The following SMCR8 variants were observed in gnomAD, a reference collection of about 807,000 sequenced individuals.
SMCR8 encodes the protein SMCR8-C9orf72 complex subunit.
A neutral mutation model predicts 56.6 loss-of-function variants in SMCR8; 30 were observed. The ratio of observed to expected loss-of-function variants is 0.53; its 90% CI spans 0.40 to 0.72. SMCR8 has a LOEUF of 0.72. Among genes scored for constraint, SMCR8 ranks in the 30% least tolerant of loss-of-function variants. The pLI is 0.00. For missense variants in SMCR8, 1,198 were observed against 1,157.0 expected (o/e 1.04, Z -0.51); for synonymous variants, 538 against 456.0 (o/e 1.18, Z -2.29).
intron 1 of SMCR8, 69 bp downstream of exon 1, chr17:18,318,218 C>G (rs371794368): frequency 2.7e-6 from 4 of 1,459,140 alleles, no homozygotes; most frequent in South Asian, 1.3e-5. Context: ...TGTGGTGGAG[C>G]CAGAATCAGG....
In SMCR8 at chr17:18,327,242, G is replaced by A. The variant is rs1982688544; in HGVS notation, c.*4172G>A. ...GGTTTGGTTAAAGCAGTGGAAAGGAGGAGGAGGCAGGGGTGGATGGGGGTG... is the reference window on the plus strand; with the variant it reads ...GGTTTGGTTAAAGCAGTGGAAAGGAAGAGGAGGCAGGGGTGGATGGGGGTG... On this transcript the variant is annotated 3_prime_UTR_variant, in exon 2 of 2. Coordinates refer to ENST00000406438, the MANE Select transcript of SMCR8 (RefSeq NM_144775.3). 1 of 152,230 alleles carries A rather than the reference G, an allele frequency of 6.6e-6. No individual in the cohort carries two copies. Among genetic ancestry groups the A allele is most frequent in the African/African-American group, 2.4e-5 (1 of 41,424 alleles). 9.4% of individuals were successfully genotyped at this position (152,230 alleles called of 1,614,324 possible).
chr17:18,323,386 G>T lies in SMCR8; in HGVS notation c.*316G>T. 1 of 350,154 alleles carries T rather than the reference G, an allele frequency of 2.9e-6. No individual in the cohort carries two copies. Among genetic ancestry groups the T allele is most frequent in the East Asian group, 5.2e-5 (1 of 19,096 alleles). The allele number at this position is 350,154 out of a possible 1,614,324, so 21.7% of individuals were successfully genotyped here. ...AAGGGAAGCCACCAGTCCCTTGGTG[G>T]GGCAGGGTGAGGGCAGGAAGGCCAA... On this transcript the variant is annotated 3_prime_UTR_variant, in exon 2 of 2. Transcript: ENST00000406438.
In SMCR8 at chr17:18,315,564, C is replaced by T. The variant is rs1982227554; in HGVS notation, c.-226C>T. 8.1e-6 allele frequency: 4 copies of T among 496,068 alleles called. No homozygotes were observed. In the South Asian group the frequency reaches 1.0e-4, roughly 13 times the overall value. 30.7% of individuals were successfully genotyped at this position (496,068 alleles called of 1,614,324 possible). ...AGGGCAGTTGGGCCTGCGGCCTTGGCGTTCATGAGGCCTCAGAGAGCTCCG... is the reference window on the plus strand; with the variant it reads ...AGGGCAGTTGGGCCTGCGGCCTTGGTGTTCATGAGGCCTCAGAGAGCTCCG... On this transcript the variant is annotated 5_prime_UTR_variant, in exon 1 of 2. Coordinates refer to ENST00000406438, the MANE Select transcript of SMCR8 (RefSeq NM_144775.3).
rs1373820405 is a variant in SMCR8 at position 18,324,626 on chromosome 17, A to AGGAGGC, written c.*1557_*1562dup. 1 of 152,268 alleles carries AGGAGGC rather than the reference A, an allele frequency of 6.6e-6. No individual in the cohort carries two copies. The highest frequency in any genetic ancestry group is 2.4e-5 in the African/African-American group (1 of 41,454). The allele number at this position is 152,268 out of a possible 1,614,324, so 9.4% of individuals were successfully genotyped here. A position where few individuals can be genotyped will look rare whatever the true frequency, so the allele number is the denominator to read the frequency against. Reference sequence around the variant, plus strand: ...AGCCAGCCAGCTTCTCTTCTCATCAAGGAGGCAGAGACCCCTGGTGGAAGC... The same window carrying AGGAGGC: ...AGCCAGCCAGCTTCTCTTCTCATCAAGGAGGCGGAGGCAGAGACCCCTGGTGGAAGC... On this transcript the variant is annotated 3_prime_UTR_variant, in exon 2 of 2. Coordinates refer to ENST00000406438, the MANE Select transcript of SMCR8 (RefSeq NM_144775.3).
At position 18,323,114 on chromosome 17, in the gene SMCR8, T is replaced by C. The variant is rs1331583877; in HGVS notation, c.*44T>C. The C allele has an allele frequency of 3.2e-6, 5 of 1,552,048 alleles. No individual in the cohort carries two copies. The Admixed American group carries it at 8.8e-5, about 27-fold the overall frequency. On this transcript the variant is annotated 3_prime_UTR_variant, in exon 2 of 2. Coordinates refer to ENST00000406438, the MANE Select transcript of SMCR8 (RefSeq NM_144775.3). ...TGACCAAGACCTGTGACTCAGGGTA[T>C]GGGGAGGGGAGGGGTTGGCATGACC...
In SMCR8 at chr17:18,315,579, A is replaced by AT. The variant is rs1291983425; in HGVS notation, c.-211_-210insT. On this transcript the variant is annotated 5_prime_UTR_variant, in exon 1 of 2. In the 5' UTR this introduces an upstream ATG that the reference lacks. Coordinates refer to ENST00000406438, the MANE Select transcript of SMCR8 (RefSeq NM_144775.3). ...GCGGCCTTGGCGTTCATGAGGCCTC[A>AT]GAGAGCTCCGGAGGAGCTACAACTG... The AT allele has an allele frequency of 7.5e-6, 4 of 534,268 alleles. No homozygotes were observed. In the African/African-American group the frequency reaches 7.6e-5, roughly 10 times the overall value. 33.1% of individuals were successfully genotyped at this position (534,268 alleles called of 1,614,324 possible).
In SMCR8 at chr17:18,322,673, A is replaced by G; in HGVS notation, c.2417A>G (p.Tyr806Cys). ...TLHALSRYSR[Y>C]TSILDLDNKT... is the part of the protein sequence containing the mutation. The stretch of plus-strand genomic sequence containing the variant: ...CATGCCCTGAGCCGCTACAGCCGCT[A>G]CACGAGCATCCTGGACCTTGACAAC... Residue 806 changes from tyrosine (Y) to cysteine (C), a missense_variant, in exon 2 of 2, where the codon TAC (tyrosine) becomes TGC (cysteine). Physicochemically the swap from Tyr to Cys is radical, Grantham distance 194. Coordinates refer to ENST00000406438, the MANE Select transcript of SMCR8 (RefSeq NM_144775.3). The G allele has an allele frequency of 1.2e-6, 2 of 1,614,212 alleles. No homozygotes were observed. The highest frequency in any genetic ancestry group is 1.7e-6 in the Non-Finnish European group (2 of 1,180,038).
At chr17:18,318,971 G>C (rs1982417970) in intron 1 of SMCR8, among the ~76,000 whole-genome samples, 1 of 152,216 alleles carries the variant, frequency 6.6e-6, no homozygotes, top group South Asian at 2.1e-4. Flanking sequence ...TCCTACACAG[G>C]CATGAGGTGC....
chr17:18,318,246 AG>A, intron 1 of SMCR8, 97 bp downstream of exon 1: 1 of 1,191,690 alleles, frequency 8.4e-7, no homozygotes, highest in South Asian at 1.4e-5. Context: ...GCTTCTAGAC[AG>A]GGCCCAGTTC....
chr17:18,317,407 G>A lies in SMCR8; in HGVS notation c.1618G>A (p.Ala540Thr). Residue 540 changes from alanine (A) to threonine (T), a missense_variant, in exon 1 of 2, where the codon GCC becomes ACC. Coordinates refer to ENST00000406438, the MANE Select transcript of SMCR8 (RefSeq NM_144775.3). ...PDDFKASYPSAINEEESYPDG... is the reference protein window; with the variant it reads ...PDDFKASYPSTINEEESYPDG... ...TGACTTTAAGGCCAGCTACCCAAGT[G>A]CCATTAATGAAGAAGAATCATATCC... The A allele has an allele frequency of 6.2e-7, 1 of 1,614,096 alleles. No individual in the cohort carries two copies. The highest frequency in any genetic ancestry group is 8.5e-7 in the Non-Finnish European group (1 of 1,180,036).
Position 18,315,759 on chromosome 17 carries a change from C to T in SMCR8, c.-31C>T, listed in dbSNP as rs549336705. ...TTAACACCGCATTCTTTCCCACTTC[C>T]TCTCAATGTTTTCTTCATATATCTG... On this transcript the variant is annotated 5_prime_UTR_variant, in exon 1 of 2. Coordinates refer to ENST00000406438, the MANE Select transcript of SMCR8 (RefSeq NM_144775.3). 1.2e-4 allele frequency: 187 copies of T among 1,544,276 alleles called. 1 individual carries two copies. The South Asian group carries it at 2.2e-3, about 18-fold the overall frequency.
intron 1 of SMCR8, among the ~76,000 whole-genome samples, chr17:18,319,348 C>T (rs769684279): frequency 6.6e-6 from 1 of 152,142 alleles, no homozygotes; most frequent in Admixed American, 6.5e-5. Context: ...CTGAGAAGCA[C>T]TCAGAGGGTG....
intron 1 of SMCR8, among the ~76,000 whole-genome samples, chr17:18,319,059 A>G (rs1399463786): frequency 6.6e-6 from 1 of 152,166 alleles, no homozygotes; most frequent in East Asian, 1.9e-4. Context: ...GCTACAGCTC[A>G]CCCAAAGAAT....
chr17:18,318,413 A>G (rs527803509), intron 1 of SMCR8, among the ~76,000 whole-genome samples: 2 of 151,904 alleles, frequency 1.3e-5, no homozygotes, highest in African/African-American at 4.8e-5. Flanking sequence ...TTTTATTTTT[A>G]TTTTTTTGCA....
rs1982744659 is a variant in SMCR8 at position 18,327,961 on chromosome 17, C to A, written c.*4891C>A. 1 of 152,530 alleles carries A rather than the reference C, an allele frequency of 6.6e-6. No individual in the cohort carries two copies. 9.4% of individuals were successfully genotyped at this position (152,530 alleles called of 1,614,324 possible). ...TTTTTAAAGCTATAATTCTTGTAGA[C>A]ATTCTGTGGTTAAAAATTTGATTGT... is the stretch of plus-strand genomic sequence containing the variant. On this transcript the variant is annotated 3_prime_UTR_variant, in exon 2 of 2. Coordinates refer to ENST00000406438, the MANE Select transcript of SMCR8 (RefSeq NM_144775.3).
In SMCR8 at chr17:18,316,534, C is replaced by G; in HGVS notation, c.745C>G (p.Leu249Val). 5.0e-6 allele frequency: 8 copies of G among 1,614,144 alleles called. No homozygotes were observed. Among genetic ancestry groups the G allele is most frequent in the Non-Finnish European group, 6.8e-6 (8 of 1,180,030 alleles). The stretch of plus-strand genomic sequence containing the variant: ...GAAGTCCATCATTGAACATCAAGAC[C>G]TGCTGAAGCAGATCCGCTCATACCC... Reference protein sequence around the residue: ...VEKSIIEHQDLLKQIRSYPHR... With the variant: ...VEKSIIEHQDVLKQIRSYPHR... Residue 249 changes from leucine to valine, a missense_variant, in exon 1 of 2, where the codon CTG becomes GTG. Transcript: ENST00000406438.
rs772686805 is a variant in SMCR8, at chr17:18,317,152, T to C, written c.1363T>C (p.Leu455=). Residue 455 remains leucine (L), a synonymous_variant, in exon 1 of 2, where the codon TTG becomes CTG. Coordinates refer to ENST00000406438, the MANE Select transcript of SMCR8 (RefSeq NM_144775.3). ...ELSSFDPQEN[L]DYLDMDMKGS... ...GAGCAGTTTCGACCCCCAGGAAAAC[T>C]TGGACTACCTGGATATGGATATGAA... 1.9e-6 allele frequency: 3 copies of C among 1,614,168 alleles called. No homozygotes were observed. The highest frequency in any genetic ancestry group is 1.6e-4 in the Middle Eastern group (1 of 6,062).
Position 18,327,284 on chromosome 17 carries a change from A to C in SMCR8, c.*4214A>C, listed in dbSNP as rs1598005255. 6.6e-6 allele frequency: 1 copy of C among 152,040 alleles called. No individual in the cohort carries two copies. The highest frequency in any genetic ancestry group is 1.5e-5 in the Non-Finnish European group (1 of 68,082). The allele number at this position is 152,040 out of a possible 1,614,324, so 9.4% of individuals were successfully genotyped here. A position where few individuals can be genotyped will look rare whatever the true frequency, so the allele number is the denominator to read the frequency against. On this transcript the variant is annotated 3_prime_UTR_variant, in exon 2 of 2. Transcript: ENST00000406438. The stretch of plus-strand genomic sequence containing the variant: ...ATGGGGGTGTGGGGAGGGGATGAGC[A>C]CTCTGCAGCCGATTAATCTGTTGGT...
chr17:18,316,514 CCAT>C lies in SMCR8; in HGVS notation c.729_731del (p.Ile244del). 1 of 1,614,140 alleles carries C rather than the reference CCAT, an allele frequency of 6.2e-7. No individual in the cohort carries two copies. On this transcript the variant is annotated inframe_deletion, in exon 1 of 2. Coordinates refer to ENST00000406438, the MANE Select transcript of SMCR8 (RefSeq NM_144775.3). Reference sequence around the variant, plus strand: ...AATGAACTGGCCAGTGTGGAGAAGTCCATCATTGAACATCAAGACCTGCTGAAG... The same window carrying C: ...AATGAACTGGCCAGTGTGGAGAAGTCCATTGAACATCAAGACCTGCTGAAG...
Sources: allele counts gnomAD v4.1 joint callset (sites outside exome capture counted in the v4.1 genomes callset), GRCh38; gene constraint gnomAD v4.1.1; transcripts MANE v1.5; gene names NCBI Gene and HGNC (gene_info 2026-07-23, HGNC 2026-07-21).